PLCB1: variants seen among roughly 807,000 people sequenced by gnomAD.
PLCB1 encodes the protein 1-phosphatidylinositol 4,5-bisphosphate phosphodiesterase beta-1.
Under a neutral mutation model 161.8 loss-of-function variants are expected in PLCB1, and 46 were observed. The observed-to-expected ratio is 0.28, with a 90% confidence interval of 0.22 to 0.36. The LOEUF (loss-of-function observed/expected upper bound fraction) is 0.36. PLCB1 is among the 10% of genes least tolerant of loss of function. PLCB1 has a pLI of 1.00. For missense variants in PLCB1, 1,016 were observed against 1,472.5 expected, an observed-to-expected ratio of 0.69 and a Z score of 5.07; for synonymous variants, 517 against 503.7, an observed-to-expected ratio of 1.03 and a Z score of -0.35.
At position 8,765,316 on chromosome 20, in the gene PLCB1, G is replaced by C. The variant is rs1982262295; in HGVS notation, c.2888G>C (p.Arg963Thr). ...NEIQNDYLRR[R>T]AALEKSAKKD... ...ATTCAGAATGACTACTTGAGAAGGA[G>C]AGCCGCTTTGGAAAAGTCCGCCAAA... Residue 963 changes from arginine (R) to threonine (T), a missense_variant, in exon 26 of 32, where the codon AGA becomes ACA. Coordinates refer to ENST00000338037, the MANE Select transcript of PLCB1 (RefSeq NM_015192.4). 1 of 1,612,656 alleles carries C rather than the reference G, an allele frequency of 6.2e-7. No individual in the cohort carries two copies. Among genetic ancestry groups the C allele is most frequent in the African/African-American group, 1.3e-5 (1 of 74,886 alleles).
At chr20:8,806,741 CATTT>C (rs1984557656) in intron 31 of PLCB1, among the ~76,000 whole-genome samples, 1 of 152,128 alleles carries the variant, frequency 6.6e-6, no homozygotes, top group Non-Finnish European at 1.5e-5. Context: ...ATTTGGATTT[CATTT>C]ATTCATTTAA....
chr20:8,740,769 AT>A (rs750557849), intron 22 of PLCB1, among the ~76,000 whole-genome samples: 61 of 152,200 alleles, frequency 4.0e-4, no homozygotes, highest in Non-Finnish European at 6.6e-4. Flanking sequence ...TGTACACTGA[AT>A]TTGTCTTCCA....
At chr20:8,360,711 T>C (rs967126636) in intron 2 of PLCB1, among the ~76,000 whole-genome samples, 1 of 152,200 alleles carries the variant, frequency 6.6e-6, no homozygotes, top group African/African-American at 2.4e-5. Flanking sequence ...CCGTCTGTCT[T>C]GCCAGAAAGC....
At chr20:8,277,041 G>T (rs1600281676) in intron 2 of PLCB1, among the ~76,000 whole-genome samples, 1 of 146,448 alleles carries the variant, frequency 6.8e-6, no homozygotes, top group South Asian at 2.2e-4. Context: ...TCACTCTGTT[G>T]CCAGGCTGGA....
intron 1 of PLCB1, among the ~76,000 whole-genome samples, chr20:8,146,415 T>C (rs1006196105): frequency 6.6e-6 from 1 of 152,180 alleles, no homozygotes; most frequent in Non-Finnish European, 1.5e-5. Context: ...TTATTGTAAG[T>C]ATTAAAGGAG....
chr20:8,353,560 A>T (rs372802912), intron 2 of PLCB1, among the ~76,000 whole-genome samples: 2 of 152,124 alleles, frequency 1.3e-5, no homozygotes, highest in Non-Finnish European at 2.9e-5. Context: ...TCATGTTGAT[A>T]GTAGGTACCT....
chr20:8,414,698 T>A (rs1260245767), intron 3 of PLCB1, among the ~76,000 whole-genome samples: 1 of 152,220 alleles, frequency 6.6e-6, no homozygotes, highest in Non-Finnish European at 1.5e-5. Flanking sequence ...ATCTGTGTTG[T>A]CTGTATAGTA....
intron 9 of PLCB1, among the ~76,000 whole-genome samples, chr20:8,659,585 T>C (rs1989566036): frequency 6.6e-6 from 1 of 152,196 alleles, no homozygotes; most frequent in Non-Finnish European, 1.5e-5. Context: ...GAAATAGCTC[T>C]AGCAAGCTTA....
rs1600223553 is a variant in PLCB1, at chr20:8,646,280, C to A, written c.464+99C>A. On this transcript the variant is annotated intron_variant, in intron 5 of 31. Transcript: ENST00000338037. ...CCGTTTATGCCATACTGACTTCTCACATTGATAAACACAAATTTTCCTTTG... is the reference window on the plus strand; with the variant it reads ...CCGTTTATGCCATACTGACTTCTCAAATTGATAAACACAAATTTTCCTTTG... The A allele has an allele frequency of 6.4e-6, 5 of 779,430 alleles. No individual in the cohort carries two copies. The East Asian group carries it at 1.3e-4, about 20-fold the overall frequency. The allele number at this position is 779,430 out of a possible 1,614,324, so 48.3% of individuals were successfully genotyped here.
At chr20:8,247,320 T>C (rs1467307570) in intron 2 of PLCB1, among the ~76,000 whole-genome samples, 1 of 151,976 alleles carries the variant, frequency 6.6e-6, no homozygotes, top group African/African-American at 2.4e-5. Context: ...TTCTCTTTTT[T>C]TCTTTATACA....
At chr20:8,636,669 C>G (rs1212035601) in intron 4 of PLCB1, among the ~76,000 whole-genome samples, 3 of 152,216 alleles carry the variant, frequency 2.0e-5, no homozygotes, top group Non-Finnish European at 4.4e-5. Flanking sequence ...TGCCTTCTGT[C>G]TCCTGGGTGT....
intron 4 of PLCB1, among the ~76,000 whole-genome samples, chr20:8,641,279 C>T (rs1408627457): frequency 1.3e-5 from 2 of 152,102 alleles, no homozygotes; most frequent in Non-Finnish European, 2.9e-5. Flanking sequence ...ATTACAAGCC[C>T]TCTAGCCAAG....
At chr20:8,458,150 T>C (rs758274208) in intron 3 of PLCB1, among the ~76,000 whole-genome samples, 1 of 152,120 alleles carries the variant, frequency 6.6e-6, no homozygotes, top group Non-Finnish European at 1.5e-5. Context: ...TCCGGTTGAT[T>C]CTGAGTTGAA....
At chr20:8,581,171 G>T (rs905690184) in intron 3 of PLCB1, among the ~76,000 whole-genome samples, 3 of 152,146 alleles carry the variant, frequency 2.0e-5, no homozygotes, top group South Asian at 4.1e-4. Flanking sequence ...GTTCTCTGAG[G>T]GTAGGAATTC....
At chr20:8,352,215 T>G (rs1007096241) in intron 2 of PLCB1, among the ~76,000 whole-genome samples, 1 of 152,072 alleles carries the variant, frequency 6.6e-6, no homozygotes, top group Non-Finnish European at 1.5e-5. Flanking sequence ...TAATGCTAAG[T>G]GATATAAGTC....
intron 31 of PLCB1, among the ~76,000 whole-genome samples, chr20:8,845,533 G>A (rs373259302): frequency 3.9e-5 from 6 of 152,212 alleles, no homozygotes; most frequent in African/African-American, 9.6e-5. Flanking sequence ...ATGCTCAATA[G>A]GGCTATTGGT....
intron 3 of PLCB1, among the ~76,000 whole-genome samples, chr20:8,602,105 C>A (rs889470622): frequency 3.9e-5 from 6 of 152,154 alleles, no homozygotes; most frequent in Non-Finnish European, 8.8e-5. Context: ...AATTAAAGTT[C>A]TCTCATGAGA....
chr20:8,882,729 G>T lies in PLCB1; in HGVS notation c.*880G>T, dbSNP rs886056973. On this transcript the variant is annotated 3_prime_UTR_variant, in exon 32 of 32. Transcript: ENST00000338037. Reference sequence around the variant, plus strand: ...GCAGATATTCAATCAGAATGAACAGGTTCCGGTGGTTATTTTGCCGTTTGA... The same window carrying T: ...GCAGATATTCAATCAGAATGAACAGTTTCCGGTGGTTATTTTGCCGTTTGA... 2.6e-5 allele frequency: 4 copies of T among 152,190 alleles called. No individual in the cohort carries two copies. Among genetic ancestry groups the T allele is most frequent in the Non-Finnish European group, 4.4e-5 (3 of 68,016 alleles). 9.4% of individuals were successfully genotyped at this position (152,190 alleles called of 1,614,324 possible). A position where few individuals can be genotyped will look rare whatever the true frequency, so the allele number is the denominator to read the frequency against.
intron 3 of PLCB1, among the ~76,000 whole-genome samples, chr20:8,552,159 C>T (rs926119640): frequency 9.9e-5 from 15 of 152,280 alleles, no homozygotes; most frequent in African/African-American, 2.4e-4. Flanking sequence ...ACAACAGGGG[C>T]TTCTAAGACC....
Sources: allele counts gnomAD v4.1 joint callset (sites outside exome capture counted in the v4.1 genomes callset), GRCh38; gene constraint gnomAD v4.1.1; transcripts MANE v1.5; gene names NCBI Gene and HGNC (gene_info 2026-07-23, HGNC 2026-07-21).